ABCA9: variants seen among roughly 807,000 people sequenced by gnomAD.
ABCA9 encodes ATP binding cassette subfamily A member 9, also known as ATP-binding cassette sub-family A member 9.
Under a neutral mutation model 205.3 loss-of-function variants are expected in ABCA9, and 183 were observed. The observed-to-expected ratio is 0.89, with a 90% confidence interval of 0.79 to 1.01. The LOEUF is 1.01. Ranked by LOEUF, ABCA9 falls within the 50% of genes least tolerant of loss-of-function variation. The pLI is 0.00. For synonymous variants in ABCA9, 651 were observed against 683.3 expected, an observed-to-expected ratio of 0.95 and a Z score of 0.74; for missense variants, 1,805 against 1,912.4, an observed-to-expected ratio of 0.94 and a Z score of 1.05.
rs201495945 is a variant in ABCA9, at chr17:69,021,784, C to T, written c.2359G>A (p.Val787Met). Residue 787 changes from valine (V) to methionine (M), a missense_variant, in exon 18 of 39, where the codon GTG becomes ATG. Physicochemically the swap from Val to Met is conservative, Grantham distance 21. Transcript: ENST00000340001. ...GATTTTCCTTCTAATTTCAGAAACACCTCATTCAAAGTTGTTATGGAAACA... is the reference window on the plus strand; with the variant it reads ...GATTTTCCTTCTAATTTCAGAAACATCTCATTCAAAGTTGTTATGGAAACA... Reference protein sequence around the residue: ...YGVSITTLNEVFLKLEGKSTI... With the variant: ...YGVSITTLNEMFLKLEGKSTI... 1.0e-5 allele frequency: 16 copies of T among 1,595,054 alleles called. No homozygotes were observed. Among genetic ancestry groups the T allele is most frequent in the Non-Finnish European group, 1.4e-5 (16 of 1,170,122 alleles).
intron 25 of ABCA9, among the ~76,000 whole-genome samples, chr17:68,997,033 C>T (rs1347329646): frequency 6.6e-6 from 1 of 152,228 alleles, no homozygotes; most frequent in Non-Finnish European, 1.5e-5. Context: ...CAGGTTCAAG[C>T]GATTCTCCTG....
At chr17:69,058,297 ATGAGGGTGCT>A (rs1172175684) in intron 1 of ABCA9, among the ~76,000 whole-genome samples, 1 of 152,062 alleles carries the variant, frequency 6.6e-6, no homozygotes, top group Non-Finnish European at 1.5e-5. Flanking sequence ...GGTTTTATTA[ATGAGGGTGCT>A]CCTGGATCCT....
At chr17:69,018,665 C>T (rs995606533) in intron 19 of ABCA9, 86 bp from the exon 20 acceptor site, 1 of 998,270 alleles carries the variant, frequency 1.0e-6, no homozygotes, top group Non-Finnish European at 1.5e-6. Flanking sequence ...AATATAATAA[C>T]AGAAATAAAT....
chr17:69,071,791 C>T, the ABCA9 span, among the ~76,000 whole-genome samples: 1 of 152,146 alleles, frequency 6.6e-6, no homozygotes, highest in African/African-American at 2.4e-5. Flanking sequence ...TAATAACAAA[C>T]TCCTTTGAGC....
chr17:69,039,069 C>T (rs2071444158), intron 6 of ABCA9, among the ~76,000 whole-genome samples: 1 of 152,100 alleles, frequency 6.6e-6, no homozygotes, highest in Non-Finnish European at 1.5e-5. Context: ...AAAGAGGACA[C>T]AAACAAATGG....
chr17:69,024,738 G>A (rs1383392819), intron 16 of ABCA9, among the ~76,000 whole-genome samples: 1 of 152,122 alleles, frequency 6.6e-6, no homozygotes, highest in Non-Finnish European at 1.5e-5. Flanking sequence ...CCGAAACTCA[G>A]ACTTGAGCAT....
At position 68,993,103 on chromosome 17, in the gene ABCA9, G is replaced by A; in HGVS notation, c.3556-19C>T. The A allele has an allele frequency of 2.5e-6, 4 of 1,588,612 alleles. No individual in the cohort carries two copies. The East Asian group carries it at 6.7e-5, about 27-fold the overall frequency. ...GAGAAATCTGTAAAATGAGCAGTAA[G>A]TGTATTCAGGTGAACCTTCTTTATT... On this transcript the variant is annotated intron_variant, in intron 26 of 38. Transcript: ENST00000340001.
At chr17:69,041,679 G>A (rs1357521094) in intron 6 of ABCA9, among the ~76,000 whole-genome samples, 2 of 149,648 alleles carry the variant, frequency 1.3e-5, no homozygotes, top group Non-Finnish European at 3.0e-5. Flanking sequence ...ACTCCAGCCT[G>A]GGTGACGGAG....
intron 3 of ABCA9, among the ~76,000 whole-genome samples, chr17:69,046,100 T>C (rs140587327): frequency 2.0e-5 from 3 of 152,318 alleles, no homozygotes; most frequent in African/African-American, 7.2e-5. Flanking sequence ...AACAAACCTA[T>C]CTAAAGTTGG....
At chr17:68,996,377 CTATT>C (rs1201451779) in intron 25 of ABCA9, among the ~76,000 whole-genome samples, 1 of 152,152 alleles carries the variant, frequency 6.6e-6, no homozygotes, top group Non-Finnish European at 1.5e-5. Flanking sequence ...GGCAAACCAG[CTATT>C]TGTTTTCTTG....
At chr17:68,976,819 G>A (rs138257067) in intron 37 of ABCA9, among the ~76,000 whole-genome samples, 20 of 152,188 alleles carry the variant, frequency 1.3e-4, no homozygotes, top group East Asian at 1.9e-4. Context: ...ATAAACAAAC[G>A]TTCCTTGAAT....
At chr17:69,069,254 T>C in the ABCA9 span, among the ~76,000 whole-genome samples, 227 of 152,284 alleles carry the variant, frequency 1.5e-3, no homozygotes, top group African/African-American at 5.2e-3. Flanking sequence ...AAGATCAGCT[T>C]ACCTGGAGCA....
At chr17:69,054,526 CA>C (rs751565245) in intron 1 of ABCA9, among the ~76,000 whole-genome samples, 1,620 of 77,194 alleles carry the variant, frequency 0.021, 20 homozygotes, top group African/African-American at 0.063. Flanking sequence ...GACCCTCTCT[CA>C]AAAAAAAAAA....
intron 34 of ABCA9, 23 bp from the exon 35 acceptor site, chr17:68,984,198 C>G: frequency 6.2e-7 from 1 of 1,611,990 alleles, no homozygotes; most frequent in Non-Finnish European, 8.5e-7. Flanking sequence ...CAAGAGAAAA[C>G]GTGAACTCAT....
chr17:69,072,139 C>T, the ABCA9 span, among the ~76,000 whole-genome samples: 19 of 152,148 alleles, frequency 1.2e-4, no homozygotes, highest in Non-Finnish European at 2.4e-4. Flanking sequence ...CTGAAAGTGA[C>T]GGGGAGAATG....
In ABCA9 at chr17:69,023,995, G is replaced by A. The variant is rs1193527835; in HGVS notation, c.2281+219C>T. Among the ~76,000 whole-genome samples the A allele has an allele frequency of 2.0e-5, 3 of 148,638 alleles. No homozygotes were observed. Among genetic ancestry groups the A allele is most frequent in the Non-Finnish European group, 4.4e-5 (3 of 67,878 alleles). On this transcript the variant is annotated intron_variant, in intron 17 of 38. Transcript: ENST00000340001. The surrounding 1 kb of genome is among the most constrained non-coding windows in gnomAD (Gnocchi z 4.2). ...CTTAATTGCACTTAATTGACTTGAA[G>A]CATATTTAACATCTACATGCCTTGG...
chr17:68,987,759 TTTG>T (rs1205082846), intron 31 of ABCA9, among the ~76,000 whole-genome samples: 1 of 81,966 alleles, frequency 1.2e-5, no homozygotes, highest in Non-Finnish European at 3.6e-5. Flanking sequence ...TGTTTGTTTG[TTTG>T]TTTGTTTTTT....
At chr17:68,982,731 A>C (rs2069099946) in intron 36 of ABCA9, 90 bp from the exon 37 acceptor site, 7 of 1,020,252 alleles carry the variant, frequency 6.9e-6, no homozygotes, top group Non-Finnish European at 1.1e-5. Context: ...AAGGCTAGGC[A>C]TGGTGGCCCA....
At position 68,989,849 on chromosome 17, in the gene ABCA9, T is replaced by C; in HGVS notation, c.3919A>G (p.Ile1307Val). 6.2e-7 allele frequency: 1 copy of C among 1,610,836 alleles called. No homozygotes were observed. The highest frequency in any genetic ancestry group is 8.5e-7 in the Non-Finnish European group (1 of 1,177,234). The change falls in exon 30 of 39, where the codon ATT becomes GTT. Residue 1307 changes from isoleucine (I) to valine (V), a missense_variant. Coordinates refer to ENST00000340001, the MANE Select transcript of ABCA9 (RefSeq NM_080283.4). ...KNCFSKRKKK[I>V]ATRNVSFCVK... ...CAAAAAGAGACATTTCTTGTGGCAA[T>C]TTTTTTCTTCCTTTTAGAAAAGCAA...
Sources: gnomAD v4.1 joint callset for allele counts (sites outside exome capture counted in the v4.1 genomes callset) on GRCh38, gnomAD v4.1.1 for gene constraint, Gnocchi (gnomAD v3.1) non-coding constraint, MANE v1.5 for transcripts, NCBI Gene and HGNC (gene_info 2026-07-23, HGNC 2026-07-21) for gene names.